PRSS41: variants seen among roughly 807,000 people sequenced by gnomAD.
PRSS41 encodes serine protease 41.
In PRSS41, 37 loss-of-function variants were observed where a neutral mutation model predicts 28.8. The observed-to-expected ratio is 1.29, with a 90% CI of 0.99 to 1.69. The LOEUF (loss-of-function observed/expected upper bound fraction) is 1.69, where lower values mean the gene tolerates loss of function less well. Ranked by LOEUF, PRSS41 falls within the 40% of genes most tolerant of loss-of-function variation. The pLI is 0.00. For synonymous variants in PRSS41, 195 were observed against 163.1 expected, an observed-to-expected ratio of 1.20 and a Z score of -1.49; for missense variants, 431 against 400.7, an observed-to-expected ratio of 1.08 and a Z score of -0.65.
At chr16:2,804,833 C>T in intron 5 of PRSS41, 81 bp from the exon 6 acceptor site, 2 of 1,109,658 alleles carry the variant, frequency 1.8e-6, no homozygotes, top group Non-Finnish European at 2.7e-6. Flanking sequence ...TCTGCCTAGC[C>T]CCACAGCCCC....
intron 4 of PRSS41, among the ~76,000 whole-genome samples, chr16:2,801,756 G>A (rs1439093463): frequency 1.2e-4 from 19 of 152,042 alleles, no homozygotes; most frequent in Admixed American, 8.5e-4. Context: ...ACACAGACAC[G>A]GCAACCATCC....
chr16:2,799,414 G>C (rs767858569), exon 4 of PRSS41: 1 of 1,552,028 alleles, frequency 6.4e-7, no homozygotes, highest in Non-Finnish European at 8.7e-7. Context: ...GACGCACTTG[G>C]GGTTTTACGC....
chr16:2,799,323 G>A lies in PRSS41; in HGVS notation c.295G>A (p.Glu99Lys), dbSNP rs1407464493. 5.8e-6 allele frequency: 9 copies of A among 1,551,550 alleles called. No individual in the cohort carries two copies. The Admixed American group carries it at 9.8e-5, about 17-fold the overall frequency. Residue 99 changes from glutamate (E) to lysine (K), a missense_variant, in exon 4 of 6, where the codon GAG (glutamate) becomes AAG (lysine). Glu to Lys is a moderately conservative substitution (Grantham distance 56). Coordinates refer to ENST00000399677, the Ensembl canonical transcript of PRSS41. ...CTCCGAGTGGACGGTCCAGCTGGGCGAGCTGACTTCCAGGCCAACTCCTTG... is the reference window on the plus strand; with the variant it reads ...CTCCGAGTGGACGGTCCAGCTGGGCAAGCTGACTTCCAGGCCAACTCCTTG...
intron 4 of PRSS41, among the ~76,000 whole-genome samples, chr16:2,802,265 C>T (rs1307976495): frequency 8.7e-5 from 13 of 149,998 alleles, no homozygotes; most frequent in Admixed American, 5.3e-4. Context: ...CAGAGGCGCT[C>T]CCCACATCTC....
intron 3 of PRSS41, 44 bp downstream of exon 3, chr16:2,799,168 T>A (rs1189217111): frequency 1.1e-5 from 17 of 1,506,526 alleles, no homozygotes; most frequent in Non-Finnish European, 1.5e-5. Context: ...GCTAATGGCC[T>A]CCAGGATGAG....
chr16:2,801,274 T>C (rs1364662674), intron 4 of PRSS41, among the ~76,000 whole-genome samples: 1 of 152,232 alleles, frequency 6.6e-6, no homozygotes, highest in Non-Finnish European at 1.5e-5. Context: ...ATATTTATGA[T>C]TGGTATATTT....
chr16:2,799,626 C>T (rs2068973832), intron 4 of PRSS41, 57 bp downstream of exon 4: 1 of 1,502,728 alleles, frequency 6.7e-7, no homozygotes, highest in Admixed American at 2.0e-5. Flanking sequence ...GCATTACCCT[C>T]TACCCCTGTT....
At chr16:2,804,343 G>A in intron 4 of PRSS41, 46 bp from the exon 5 acceptor site, 1 of 1,542,938 alleles carries the variant, frequency 6.5e-7, no homozygotes, top group South Asian at 1.2e-5. Context: ...GCTCCAGATA[G>A]CAGAGGAGAG....
At chr16:2,801,256 G>A (rs2068983872) in intron 4 of PRSS41, among the ~76,000 whole-genome samples, 1 of 151,836 alleles carries the variant, frequency 6.6e-6, no homozygotes, top group Admixed American at 6.6e-5. Context: ...CTGTTGTTAG[G>A]TATGAAGATA....
intron 4 of PRSS41, among the ~76,000 whole-genome samples, chr16:2,801,792 T>TC (rs2068987827): frequency 6.6e-6 from 1 of 152,140 alleles, no homozygotes; most frequent in South Asian, 2.1e-4. Flanking sequence ...TCCCCACCTT[T>TC]CCCCGCTTTC....
chr16:2,802,108 G>T (rs1283928578), intron 4 of PRSS41, among the ~76,000 whole-genome samples: 2 of 148,560 alleles, frequency 1.3e-5, no homozygotes, highest in South Asian at 2.1e-4. Flanking sequence ...GGGCGGAGAG[G>T]CTCCTCACTT....
intron 2 of PRSS41, 88 bp downstream of exon 2, chr16:2,798,750 G>A (rs796942746): frequency 3.9e-6 from 5 of 1,296,424 alleles, no homozygotes; most frequent in Non-Finnish European, 5.1e-6. Context: ...TCCAGGTCCC[G>A]AGAACGTGAT....
At chr16:2,799,247 C>A in intron 3 of PRSS41, 39 bp from the exon 4 acceptor site, 1 of 1,545,436 alleles carries the variant, frequency 6.5e-7, no homozygotes. Context: ...GGCCAGCCCC[C>A]TATTCCAAGG....
chr16:2,802,483 G>A (rs1369411273), intron 4 of PRSS41, among the ~76,000 whole-genome samples: 4 of 152,196 alleles, frequency 2.6e-5, no homozygotes, highest in Admixed American at 6.5e-5. Flanking sequence ...ACGGGATGGC[G>A]GCCGGGCAGA....
intron 4 of PRSS41, among the ~76,000 whole-genome samples, chr16:2,802,173 C>G (rs1488184191): frequency 1.3e-5 from 2 of 149,486 alleles, no homozygotes; most frequent in Non-Finnish European, 3.0e-5. Context: ...GACGGGGTGG[C>G]CGGGCAGAGA....
At chr16:2,799,313 C>A in exon 4 of PRSS41, 1 of 1,551,632 alleles carries the variant, frequency 6.4e-7, no homozygotes, top group South Asian at 1.2e-5. Flanking sequence ...AGTGGACGGT[C>A]CAGCTGGGCG....
chr16:2,804,796 A>G (rs906230291), intron 5 of PRSS41, 118 bp from the exon 6 acceptor site: 2 of 884,090 alleles, frequency 2.3e-6, no homozygotes, highest in South Asian at 1.6e-5. Flanking sequence ...ACTTGATTCC[A>G]TGGGAAGGAG....
intron 4 of PRSS41, among the ~76,000 whole-genome samples, chr16:2,800,019 C>A (rs2068976132): frequency 6.6e-6 from 1 of 152,210 alleles, no homozygotes; most frequent in Admixed American, 6.5e-5. Context: ...CTGAGATATG[C>A]ATCATGAGGC....
chr16:2,801,742 TTC>T (rs1232371877), intron 4 of PRSS41, among the ~76,000 whole-genome samples: 2 of 152,238 alleles, frequency 1.3e-5, no homozygotes, highest in Non-Finnish European at 2.9e-5. Flanking sequence ...GTCTACCTCT[TTC>T]TACACAGACA....
Sources: allele counts gnomAD v4.1 joint callset (sites outside exome capture counted in the v4.1 genomes callset), GRCh38; gene constraint gnomAD v4.1.1; transcripts MANE v1.5; gene names NCBI Gene and HGNC (gene_info 2026-07-23, HGNC 2026-07-21).